HACE1: variants seen among roughly 807,000 people sequenced by gnomAD.
HACE1 encodes E3 ubiquitin-protein ligase HACE1.
A neutral mutation model predicts 118.4 loss-of-function variants in HACE1; 73 were observed. The ratio of observed to expected loss-of-function variants is 0.62; its 90% CI spans 0.51 to 0.75. The LOEUF is 0.75. Among genes scored for constraint, HACE1 ranks in the 30% least tolerant of loss-of-function variants. HACE1 has a pLI of 0.00. For missense variants in HACE1, 749 were observed against 1,102.2 expected, an observed-to-expected ratio of 0.68 and a Z score of 4.54; for synonymous variants, 368 against 374.8, an observed-to-expected ratio of 0.98 and a Z score of 0.21.
chr6:104,846,955 T>C lies in HACE1; in HGVS notation c.326+2187A>G, dbSNP rs150516639. On this transcript the variant is annotated intron_variant, in intron 4 of 23. Coordinates refer to ENST00000262903, the MANE Select transcript of HACE1 (RefSeq NM_020771.4). ...AAGAGAGGGTCATGAATTCTTTTTA[T>C]TCCTTTTCTTCTTGCTGAATAGCTA... 3.9e-4 allele frequency among the ~76,000 whole-genome samples: 59 copies of C among 152,358 alleles called. 1 individual carries two copies. The East Asian group carries it at 0.011, about 29-fold the overall frequency.
intron 6 of HACE1, among the ~76,000 whole-genome samples, chr6:104,811,706 G>T (rs970552074): frequency 6.6e-6 from 1 of 152,072 alleles, no homozygotes; most frequent in African/African-American, 2.4e-5. Flanking sequence ...TTGAAATGTG[G>T]CTAGTACAGC....
intron 4 of HACE1, among the ~76,000 whole-genome samples, chr6:104,844,344 ATT>A (rs374033174): frequency 2.5e-5 from 3 of 119,850 alleles, no homozygotes; most frequent in Admixed American, 8.6e-5. Flanking sequence ...CATCATAAAC[ATT>A]TTTTTTTTTT....
chr6:104,825,302 C>A (rs183201337), intron 6 of HACE1, among the ~76,000 whole-genome samples: 1 of 152,078 alleles, frequency 6.6e-6, no homozygotes, highest in Admixed American at 6.6e-5. Context: ...AAACCCCCAC[C>A]TCTTTGCGAG....
At chr6:104,782,831 A>G (rs1029512382) in intron 14 of HACE1, among the ~76,000 whole-genome samples, 23 of 152,332 alleles carry the variant, frequency 1.5e-4, no homozygotes, top group East Asian at 1.9e-4. Flanking sequence ...AAGTGTCCCT[A>G]AAGACATTAA....
At chr6:104,803,108 A>C (rs1038301812) in intron 7 of HACE1, among the ~76,000 whole-genome samples, 5 of 152,120 alleles carry the variant, frequency 3.3e-5, no homozygotes, top group African/African-American at 4.8e-5. Flanking sequence ...AAACTAGAAA[A>C]TCCAGAAGAA....
At chr6:104,811,273 TGA>T (rs56258201) in intron 7 of HACE1, 36 bp downstream of exon 7, 16 of 585,600 alleles carry the variant, frequency 2.7e-5, no homozygotes, top group African/African-American at 1.0e-4. Context: ...TATATATATA[TGA>T]GCATATATAG....
intron 19 of HACE1, among the ~76,000 whole-genome samples, chr6:104,759,847 A>T (rs1779139472): frequency 6.6e-6 from 1 of 152,136 alleles, no homozygotes; most frequent in South Asian, 2.1e-4. Context: ...AAATACATGC[A>T]ATAAAATTAT....
At chr6:104,769,842 C>A (rs1324341129) in intron 19 of HACE1, among the ~76,000 whole-genome samples, 1 of 152,044 alleles carries the variant, frequency 6.6e-6, no homozygotes, top group African/African-American at 2.4e-5. Context: ...AGAATTCAAT[C>A]TCTTTTTTTT....
At chr6:104,759,759 G>A (rs560297771) in intron 19 of HACE1, among the ~76,000 whole-genome samples, 1 of 152,060 alleles carries the variant, frequency 6.6e-6, no homozygotes, top group East Asian at 1.9e-4. Flanking sequence ...AATAAATCCA[G>A]GAACTAGTTT....
At chr6:104,819,420 C>T (rs1772454365) in intron 6 of HACE1, among the ~76,000 whole-genome samples, 1 of 152,236 alleles carries the variant, frequency 6.6e-6, no homozygotes. Flanking sequence ...ATCCCATTCT[C>T]ATGGACAGGA....
intron 10 of HACE1, among the ~76,000 whole-genome samples, chr6:104,794,080 G>C (rs1582501021): frequency 6.6e-6 from 1 of 152,022 alleles, no homozygotes; most frequent in African/African-American, 2.4e-5. Context: ...TTACTAATGA[G>C]GATATAAATC....
intron 6 of HACE1, among the ~76,000 whole-genome samples, chr6:104,812,005 C>T (rs1242681073): frequency 6.6e-6 from 1 of 152,042 alleles, no homozygotes; most frequent in Non-Finnish European, 1.5e-5. Context: ...ACTTAGCCCC[C>T]TAAGCTCTAC....
intron 19 of HACE1, among the ~76,000 whole-genome samples, chr6:104,766,208 T>C (rs1235187462): frequency 6.6e-6 from 1 of 152,218 alleles, no homozygotes; most frequent in Admixed American, 6.5e-5. Flanking sequence ...TGTCATTTAT[T>C]ACCCTTGTGG....
chr6:104,782,815 A>G (rs1781881508), intron 14 of HACE1, among the ~76,000 whole-genome samples: 1 of 152,192 alleles, frequency 6.6e-6, no homozygotes, highest in Admixed American at 6.5e-5. Context: ...TAACTTCTGA[A>G]AGGACAAGTG....
At chr6:104,784,309 T>A (rs908821642) in intron 13 of HACE1, 108 bp downstream of exon 13, 2 of 899,564 alleles carry the variant, frequency 2.2e-6, no homozygotes, top group Non-Finnish European at 3.7e-6. Context: ...CATTTGTTAT[T>A]GAGCATATTT....
intron 5 of HACE1, 93 bp downstream of exon 5, chr6:104,843,130 A>G (rs1775277625): frequency 6.4e-6 from 5 of 777,738 alleles, no homozygotes; most frequent in Non-Finnish European, 1.2e-5. Context: ...TAACTTGCAG[A>G]AACACTTGTA....
chr6:104,834,093 ATGATGGTGACAC>A (rs1452097135), intron 5 of HACE1, among the ~76,000 whole-genome samples: 1 of 152,050 alleles, frequency 6.6e-6, no homozygotes, highest in Non-Finnish European at 1.5e-5. Context: ...ATAATGAGCT[ATGATGGTGACAC>A]TGCACTCCTC....
intron 1 of HACE1, among the ~76,000 whole-genome samples, chr6:104,856,568 G>T (rs1017941831): frequency 1.6e-4 from 25 of 151,902 alleles, no homozygotes; most frequent in Admixed American, 1.3e-4. Context: ...CCAAGTAGCT[G>T]GGATTACAGG....
chr6:104,832,514 C>T (rs1359493170), intron 6 of HACE1, among the ~76,000 whole-genome samples: 1 of 152,020 alleles, frequency 6.6e-6, no homozygotes, highest in African/African-American at 2.4e-5. Flanking sequence ...CCACTTCAGC[C>T]TCCGGAACAG....
Sources: gnomAD v4.1 joint callset for allele counts (sites outside exome capture counted in the v4.1 genomes callset) on GRCh38, gnomAD v4.1.1 for gene constraint, MANE v1.5 for transcripts, NCBI Gene and HGNC (gene_info 2026-07-23, HGNC 2026-07-21) for gene names.